SLX4IP: variants seen among roughly 807,000 people sequenced by gnomAD.
SLX4IP encodes SLX4 interacting protein.
SLX4IP carries 34 observed loss-of-function variants against 32.9 expected under a neutral mutation model. That is an observed-to-expected ratio of 1.03 (90% CI 0.79 to 1.38). The LOEUF is 1.38. SLX4IP is among the 40% of genes most tolerant of loss of function. SLX4IP has a pLI of 0.00. For synonymous variants in SLX4IP, 172 were observed against 171.7 expected (o/e 1.00, Z -0.01); for missense variants, 444 against 479.0 (o/e 0.93, Z 0.68).
chr20:10,602,733 A>G (rs1219845342), intron 6 of SLX4IP, among the ~76,000 whole-genome samples: 1 of 152,182 alleles, frequency 6.6e-6, no homozygotes, highest in African/African-American at 2.4e-5. Flanking sequence ...GATGTTTATT[A>G]TTTTTTAATC....
At chr20:10,614,108 C>T (rs1255115863) in intron 6 of SLX4IP, 16 of 1,526,112 alleles carry the variant, frequency 1.0e-5, no homozygotes, top group African/African-American at 4.1e-5. Flanking sequence ...GCAGGGACAC[C>T]TTGTGGTAGC....
rs1347529933 is a variant in SLX4IP, at chr20:10,477,072, G to A, written c.27+18841G>A. Among the ~76,000 whole-genome samples, 4 of 152,196 alleles carry A rather than the reference G, an allele frequency of 2.6e-5. No homozygotes were observed. In the East Asian group the frequency reaches 7.7e-4, roughly 29 times the overall value. On this transcript the variant is annotated intron_variant, in intron 2 of 7. Transcript: ENST00000334534. ...AGGTCTTATTAGGGCATTAATGTGG[G>A]TTTTCCCGTATCAAGAGCAGACACA...
intron 2 of SLX4IP, among the ~76,000 whole-genome samples, chr20:10,500,286 C>T (rs908530831): frequency 6.6e-6 from 1 of 151,900 alleles, no homozygotes; most frequent in Non-Finnish European, 1.5e-5. Flanking sequence ...CGCCACCACA[C>T]CCGGCTAATT....
At chr20:10,567,230 A>G (rs565450368) in intron 4 of SLX4IP, among the ~76,000 whole-genome samples, 1 of 152,172 alleles carries the variant, frequency 6.6e-6, no homozygotes, top group South Asian at 2.1e-4. Context: ...CATTATAAGA[A>G]CCTCTCCTGA....
At chr20:10,558,740 C>A (rs1424381988) in intron 3 of SLX4IP, among the ~76,000 whole-genome samples, 1 of 152,224 alleles carries the variant, frequency 6.6e-6, no homozygotes, top group Non-Finnish European at 1.5e-5. Context: ...CCCTCTGCAT[C>A]TCTGTCTTGA....
At chr20:10,441,257 G>A (rs868790211) in intron 1 of SLX4IP, among the ~76,000 whole-genome samples, 66 of 152,210 alleles carry the variant, frequency 4.3e-4, no homozygotes, top group African/African-American at 1.3e-3. Context: ...GCAATATGGC[G>A]AAACCTCATC....
intron 2 of SLX4IP, among the ~76,000 whole-genome samples, chr20:10,554,883 C>A (rs903610093): frequency 6.6e-6 from 1 of 151,994 alleles, no homozygotes; most frequent in Non-Finnish European, 1.5e-5. Flanking sequence ...ACATTTCTCC[C>A]AGTCTGTAAC....
chr20:10,558,066 G>T (rs975889268), intron 3 of SLX4IP, among the ~76,000 whole-genome samples: 1 of 152,184 alleles, frequency 6.6e-6, no homozygotes, highest in Non-Finnish European at 1.5e-5. Context: ...TTGGCCAGGT[G>T]CAGTGACACA....
At chr20:10,536,220 G>A (rs969807048) in intron 2 of SLX4IP, among the ~76,000 whole-genome samples, 2 of 152,132 alleles carry the variant, frequency 1.3e-5, no homozygotes, top group Non-Finnish European at 2.9e-5. Flanking sequence ...CAGGAGAGAG[G>A]ATAACTTTAA....
chr20:10,618,113 G>T (rs1305217295), intron 6 of SLX4IP, among the ~76,000 whole-genome samples: 1 of 152,192 alleles, frequency 6.6e-6, no homozygotes, highest in Non-Finnish European at 1.5e-5. Context: ...ATCACCCATT[G>T]TCATACTCAA....
intron 4 of SLX4IP, among the ~76,000 whole-genome samples, chr20:10,593,318 T>C (rs967292280): frequency 6.6e-6 from 1 of 152,182 alleles, no homozygotes; most frequent in African/African-American, 2.4e-5. Context: ...GAATTGTCAT[T>C]ATAGCTTTAG....
intron 2 of SLX4IP, among the ~76,000 whole-genome samples, chr20:10,474,943 A>T (rs1395071398): frequency 6.6e-6 from 1 of 152,182 alleles, no homozygotes; most frequent in African/African-American, 2.4e-5. Context: ...AGAGAGTCTC[A>T]TCTTCTCCAG....
chr20:10,623,449 A>G lies in SLX4IP; in HGVS notation c.*70A>G, dbSNP rs1568781317. On this transcript the variant is annotated 3_prime_UTR_variant, in exon 8 of 8. Coordinates refer to ENST00000334534, the MANE Select transcript of SLX4IP (RefSeq NM_001009608.3). The stretch of plus-strand genomic sequence containing the variant: ...AACCTGTGACAAGAGAGCTGCGAAT[A>G]TAGATGCCGGGATTTTAAAGGAATT... The G allele has an allele frequency of 2.0e-6, 3 of 1,520,610 alleles. No individual in the cohort carries two copies. The highest frequency in any genetic ancestry group is 2.6e-6 in the Non-Finnish European group (3 of 1,137,722). 94.2% of individuals were successfully genotyped at this position (1,520,610 alleles called of 1,614,324 possible).
chr20:10,571,288 C>T (rs1191884575), intron 4 of SLX4IP, among the ~76,000 whole-genome samples: 1 of 152,194 alleles, frequency 6.6e-6, no homozygotes, highest in Non-Finnish European at 1.5e-5. Context: ...TTGCAGTCTT[C>T]CAGCTAGACC....
chr20:10,590,651 G>A (rs150694748), intron 4 of SLX4IP, among the ~76,000 whole-genome samples: 2,024 of 152,174 alleles, frequency 0.013, 43 homozygotes, highest in African/African-American at 0.046. Flanking sequence ...ATGAGCCACC[G>A]CACCCGGCTG....
At chr20:10,533,473 A>C (rs2066007193) in intron 2 of SLX4IP, among the ~76,000 whole-genome samples, 1 of 151,986 alleles carries the variant, frequency 6.6e-6, no homozygotes, top group East Asian at 1.9e-4. Context: ...CTTTATGTAC[A>C]AAAATACATA....
At chr20:10,524,557 T>A (rs2122454249) in intron 2 of SLX4IP, among the ~76,000 whole-genome samples, 1 of 152,382 alleles carries the variant, frequency 6.6e-6, no homozygotes, top group South Asian at 2.1e-4. Flanking sequence ...TTCAGTTTGC[T>A]ATATTCGTAA....
chr20:10,437,015 A>G (rs922521382), intron 1 of SLX4IP, among the ~76,000 whole-genome samples: 1 of 151,904 alleles, frequency 6.6e-6, no homozygotes, highest in Non-Finnish European at 1.5e-5. Context: ...TGAACTCAAA[A>G]GTTTGCATGT....
chr20:10,577,581 T>C (rs1348007162), intron 4 of SLX4IP, among the ~76,000 whole-genome samples: 1 of 152,156 alleles, frequency 6.6e-6, no homozygotes, highest in East Asian at 1.9e-4. Flanking sequence ...ATTAGTTGGG[T>C]GTGACAGCAC....
Sources: gnomAD v4.1 joint callset for allele counts (sites outside exome capture counted in the v4.1 genomes callset) on GRCh38, gnomAD v4.1.1 for gene constraint, MANE v1.5 for transcripts, NCBI Gene and HGNC (gene_info 2026-07-23, HGNC 2026-07-21) for gene names.